The following PTPRD variants were observed in gnomAD, a reference collection of about 807,000 sequenced individuals.
PTPRD encodes the protein protein tyrosine phosphatase receptor type D, also known as receptor-type tyrosine-protein phosphatase delta.
Under a neutral mutation model 214.5 loss-of-function variants are expected in PTPRD, and 34 were observed. The ratio of observed to expected loss-of-function variants is 0.16; its 90% confidence interval spans 0.12 to 0.21. PTPRD has a LOEUF of 0.21. PTPRD is among the 10% of genes least tolerant of loss of function. The pLI is 1.00. For synonymous variants in PTPRD, 1,128 were observed against 845.7 expected, an observed-to-expected ratio of 1.33 and a Z score of -5.79; for missense variants, 2,545 against 2,398.7, an observed-to-expected ratio of 1.06 and a Z score of -1.27.
At chr9:9,710,512 T>C (rs904190656) in intron 7 of PTPRD, among the ~76,000 whole-genome samples, 13 of 152,144 alleles carry the variant, frequency 8.5e-5, no homozygotes, top group Admixed American at 5.9e-4. Flanking sequence ...TTCTCACTTA[T>C]GAATTGGAAA....
intron 3 of PTPRD, among the ~76,000 whole-genome samples, chr9:10,318,512 T>C (rs12003120): frequency 0.05 from 7,620 of 152,088 alleles, 623 homozygotes; most frequent in African/African-American, 0.17. Flanking sequence ...CCAGGACCCG[T>C]ATTCTGTGTA....
Position 8,317,107 on chromosome 9 carries a change from AAATT to A in PTPRD, c.*763_*766del, listed in dbSNP as rs534343750. On this transcript the variant is annotated 3_prime_UTR_variant, in exon 46 of 46. Coordinates refer to ENST00000381196, the MANE Select transcript of PTPRD (RefSeq NM_002839.4). ...TCTCACCAATCAAAACTGAAGTGTA[AAATT>A]AATATATCTGACGAGACTGATACTG... is the stretch of plus-strand genomic sequence containing the variant. 1 of 226,918 alleles carries A rather than the reference AAATT, an allele frequency of 4.4e-6. No homozygotes were observed. The highest frequency in any genetic ancestry group is 2.4e-5 in the African/African-American group (1 of 42,316). 14.1% of individuals were successfully genotyped at this position (226,918 alleles called of 1,614,324 possible).
At chr9:9,446,397 A>C (rs893571999) in intron 8 of PTPRD, among the ~76,000 whole-genome samples, 13 of 152,296 alleles carry the variant, frequency 8.5e-5, no homozygotes, top group Admixed American at 1.3e-4. Flanking sequence ...GTGAGGGAAG[A>C]AAATCCCACT....
At chr9:10,503,913 A>G (rs199818291) in intron 2 of PTPRD, among the ~76,000 whole-genome samples, 61 of 151,540 alleles carry the variant, frequency 4.0e-4, no homozygotes, top group Non-Finnish European at 6.2e-4. Context: ...TCAGGAGATC[A>G]AGACCATCCT....
intron 8 of PTPRD, among the ~76,000 whole-genome samples, chr9:9,513,831 A>G (rs1265342517): frequency 6.6e-6 from 1 of 152,034 alleles, no homozygotes; most frequent in Non-Finnish European, 1.5e-5. Flanking sequence ...TTAGGAATCA[A>G]ATATCACCTG....
At chr9:10,315,153 G>A (rs1198834932) in intron 3 of PTPRD, among the ~76,000 whole-genome samples, 1 of 151,894 alleles carries the variant, frequency 6.6e-6, no homozygotes, top group East Asian at 1.9e-4. Flanking sequence ...TTTTATATGA[G>A]AGATCTAGCA....
intron 5 of PTPRD, among the ~76,000 whole-genome samples, chr9:9,778,146 T>A (rs2821492): frequency 0.44 from 67,439 of 151,706 alleles, 15,449 homozygotes; most frequent in East Asian, 0.7. Context: ...CAAAAAGCTG[T>A]GGTGGATGGA....
At chr9:10,573,973 G>C (rs1031556889) in intron 2 of PTPRD, among the ~76,000 whole-genome samples, 1 of 152,104 alleles carries the variant, frequency 6.6e-6, no homozygotes, top group African/African-American at 2.4e-5. Flanking sequence ...ACCCAGGACA[G>C]TGAAGCAGGA....
At chr9:9,496,864 G>A (rs778402982) in intron 8 of PTPRD, among the ~76,000 whole-genome samples, 2 of 152,142 alleles carry the variant, frequency 1.3e-5, no homozygotes, top group Admixed American at 6.5e-5. Context: ...GTCCATTGAC[G>A]AATGAGCAAG....
intron 3 of PTPRD, among the ~76,000 whole-genome samples, chr9:10,041,114 T>C (rs1043592975): frequency 9.2e-5 from 14 of 152,204 alleles, no homozygotes; most frequent in African/African-American, 3.4e-4. Flanking sequence ...AAAATATATT[T>C]AAACAACTCA....
intron 12 of PTPRD, among the ~76,000 whole-genome samples, chr9:8,708,194 T>A (rs1372311990): frequency 6.6e-6 from 1 of 152,178 alleles, no homozygotes; most frequent in Non-Finnish European, 1.5e-5. Flanking sequence ...TCAGCCAATG[T>A]GCAAATAGAA....
chr9:8,436,644 T>C lies in PTPRD; in HGVS notation c.4034A>G (p.His1345Arg), dbSNP rs1168527212. ...GTCATTTGCTTTCAATCTTTCAATGTGGTCTGCAAGTTCCAAGATGGGTAT... is the reference window on the plus strand; with the variant it reads ...GTCATTTGCTTTCAATCTTTCAATGCGGTCTGCAAGTTCCAAGATGGGTAT... ...PPIPILELAD[H>R]IERLKANDNL... Residue 1345 changes from histidine (H) to arginine (R), a missense_variant, in exon 35 of 46, where the codon CAC becomes CGC. By Grantham distance (29) the His-to-Arg change is conservative (BLOSUM62 0). Transcript: ENST00000381196. 2 of 1,613,520 alleles carry C rather than the reference T, an allele frequency of 1.2e-6. No individual in the cohort carries two copies. The highest frequency in any genetic ancestry group is 1.3e-5 in the African/African-American group (1 of 74,924).
intron 2 of PTPRD, among the ~76,000 whole-genome samples, chr9:10,571,048 CTATTT>C (rs2067275038): frequency 6.6e-6 from 1 of 152,028 alleles, no homozygotes; most frequent in Non-Finnish European, 1.5e-5. Context: ...ATCTTCCTTA[CTATTT>C]TATGCATATT....
chr9:10,158,319 T>C (rs1802668897), intron 3 of PTPRD, among the ~76,000 whole-genome samples: 1 of 152,188 alleles, frequency 6.6e-6, no homozygotes, highest in African/African-American at 2.4e-5. Context: ...TTTATGTTCT[T>C]TTCTATACTG....
chr9:8,772,624 T>C (rs565654275), intron 11 of PTPRD, among the ~76,000 whole-genome samples: 4 of 152,070 alleles, frequency 2.6e-5, no homozygotes, highest in Non-Finnish European at 5.9e-5. Flanking sequence ...GCCTGGGCAA[T>C]AGAGCAAGAC....
intron 3 of PTPRD, among the ~76,000 whole-genome samples, chr9:10,311,314 TAAGG>T (rs1490537274): frequency 2.6e-5 from 4 of 152,014 alleles, no homozygotes; most frequent in Non-Finnish European, 5.9e-5. Flanking sequence ...AGAAAAGAAC[TAAGG>T]AAGCTTATAA....
chr9:9,559,327 C>T (rs1013047091), intron 8 of PTPRD, among the ~76,000 whole-genome samples: 1 of 152,228 alleles, frequency 6.6e-6, no homozygotes, highest in African/African-American at 2.4e-5. Flanking sequence ...CACACCCATC[C>T]CGCTATTACT....
intron 3 of PTPRD, among the ~76,000 whole-genome samples, chr9:10,242,049 G>A (rs907038678): frequency 1.3e-5 from 2 of 151,786 alleles, no homozygotes; most frequent in African/African-American, 2.4e-5. Context: ...TCAGACAAGA[G>A]GAAAAAGGTG....
At chr9:8,714,889 T>G (rs533621458) in intron 12 of PTPRD, among the ~76,000 whole-genome samples, 3 of 152,296 alleles carry the variant, frequency 2.0e-5, no homozygotes, top group African/African-American at 7.2e-5. Flanking sequence ...TATATTGTAT[T>G]TATTGTTCAA....
Sources: allele counts gnomAD v4.1 joint callset (sites outside exome capture counted in the v4.1 genomes callset), GRCh38; gene constraint gnomAD v4.1.1; transcripts MANE v1.5; gene names NCBI Gene and HGNC (gene_info 2026-07-23, HGNC 2026-07-21).